Variants in DYNC1I1 observed in about 807,000 individuals in gnomAD.
DYNC1I1 encodes dynein cytoplasmic 1 intermediate chain 1, also known as cytoplasmic dynein 1 intermediate chain 1.
In DYNC1I1, 43 loss-of-function variants were observed where a neutral mutation model predicts 86.6. That is an observed-to-expected ratio of 0.50 (90% CI 0.39 to 0.64). The LOEUF (loss-of-function observed/expected upper bound fraction) is 0.64. DYNC1I1 is among the 30% of genes least tolerant of loss of function. The pLI, the probability that DYNC1I1 is intolerant of heterozygous loss-of-function variation, is 0.00. For missense variants in DYNC1I1, 604 were observed against 788.8 expected, an observed-to-expected ratio of 0.77 and a Z score of 2.81; for synonymous variants, 262 against 283.7, an observed-to-expected ratio of 0.92 and a Z score of 0.77.
intron 14 of DYNC1I1, among the ~76,000 whole-genome samples, chr7:96,065,014 C>T (rs980233179): frequency 6.6e-6 from 1 of 151,844 alleles, no homozygotes; most frequent in African/African-American, 2.4e-5. Flanking sequence ...TAGATGGGTT[C>T]GATTAAAATA....
intron 13 of DYNC1I1, among the ~76,000 whole-genome samples, chr7:96,038,172 A>G (rs1446483835): frequency 6.6e-6 from 1 of 152,094 alleles, no homozygotes; most frequent in African/African-American, 2.4e-5. Flanking sequence ...GCACTGCCAC[A>G]CTTTGCTCAT....
chr7:95,926,760 C>G (rs1028094191), intron 6 of DYNC1I1, among the ~76,000 whole-genome samples: 1 of 152,148 alleles, frequency 6.6e-6, no homozygotes, highest in African/African-American at 2.4e-5. Flanking sequence ...CCTCCTCTAC[C>G]TGTCTATTAA....
chr7:96,029,587 T>C (rs1047373346), intron 11 of DYNC1I1, among the ~76,000 whole-genome samples: 3 of 152,178 alleles, frequency 2.0e-5, no homozygotes. Context: ...ACTAAAATAC[T>C]ATTATTATCA....
At chr7:96,109,320 G>A (rs1478602569) in intron 16 of DYNC1I1, among the ~76,000 whole-genome samples, 7 of 150,966 alleles carry the variant, frequency 4.6e-5, no homozygotes, top group South Asian at 4.2e-4. Flanking sequence ...CCATTAACTC[G>A]TCTTTTAGCA....
intron 10 of DYNC1I1, among the ~76,000 whole-genome samples, chr7:96,016,082 C>T (rs561553640): frequency 6.6e-6 from 1 of 152,186 alleles, no homozygotes; most frequent in South Asian, 2.1e-4. Context: ...GGCCTCATTG[C>T]TTTGTTGGGC....
intron 6 of DYNC1I1, among the ~76,000 whole-genome samples, chr7:95,944,557 A>C (rs887318233): frequency 1.4e-4 from 21 of 152,194 alleles, no homozygotes; most frequent in African/African-American, 4.8e-4. Context: ...TCATGCTGCT[A>C]TAAAGACACA....
rs1463192047 is a variant in DYNC1I1, at chr7:96,032,756, C to G, written c.1206C>G (p.Ser402Arg). Residue 402 changes from serine (S) to arginine (R), a missense_variant, in exon 12 of 17, where the codon AGC (serine) becomes AGG (arginine). Transcript: ENST00000447467. ...VSTDGKMCSWSLDMLSTPQES... is the reference protein window; with the variant it reads ...VSTDGKMCSWRLDMLSTPQES... The stretch of plus-strand genomic sequence containing the variant: ...CTGATGGCAAAATGTGTTCCTGGAG[C>G]CTGGACATGCTCTCAACTCCACAGG... 1.2e-6 allele frequency: 2 copies of G among 1,613,524 alleles called. No individual in the cohort carries two copies. Among genetic ancestry groups the G allele is most frequent in the South Asian group, 1.1e-5 (1 of 91,036 alleles).
chr7:96,065,219 T>C (rs1253314980), intron 14 of DYNC1I1, among the ~76,000 whole-genome samples: 1 of 152,070 alleles, frequency 6.6e-6, no homozygotes, highest in African/African-American at 2.4e-5. Flanking sequence ...CCACCCCTCA[T>C]TCCTGCAGCT....
At chr7:95,863,685 T>C (rs1789947597) in intron 5 of DYNC1I1, among the ~76,000 whole-genome samples, 1 of 152,200 alleles carries the variant, frequency 6.6e-6, no homozygotes, top group Non-Finnish European at 1.5e-5. Flanking sequence ...CTTTGAAATC[T>C]AGTGGGTTTT....
chr7:95,996,146 G>C (rs1417897950), intron 10 of DYNC1I1, 73 bp downstream of exon 10: 3 of 1,586,678 alleles, frequency 1.9e-6, no homozygotes, highest in African/African-American at 2.7e-5. Flanking sequence ...CATTGCATCT[G>C]TCTTATGCTG....
At position 96,064,153 on chromosome 7, in the gene DYNC1I1, T is replaced by G. The variant is rs557599276; in HGVS notation, c.1510-11904T>G. Among the ~76,000 whole-genome samples the G allele has an allele frequency of 2.0e-5, 3 of 151,994 alleles. No individual in the cohort carries two copies. In the South Asian group the frequency reaches 6.2e-4, roughly 32 times the overall value. ...TAGAGTCAGTGCTTGTTTCTAAGCATCATTGTTCTTCTCCAGACCAAACAT... is the reference window on the plus strand; with the variant it reads ...TAGAGTCAGTGCTTGTTTCTAAGCAGCATTGTTCTTCTCCAGACCAAACAT... On this transcript the variant is annotated intron_variant, in intron 14 of 16. Transcript: ENST00000447467.
intron 6 of DYNC1I1, among the ~76,000 whole-genome samples, chr7:95,924,346 G>A (rs1025867193): frequency 7.9e-5 from 12 of 152,126 alleles, no homozygotes; most frequent in Non-Finnish European, 1.5e-4. Context: ...GTGATGTACT[G>A]TAAGTACTAA....
chr7:95,835,398 G>A (rs1165370661), intron 5 of DYNC1I1, among the ~76,000 whole-genome samples: 8 of 147,612 alleles, frequency 5.4e-5, no homozygotes, highest in Non-Finnish European at 1.2e-4. Flanking sequence ...CCAAGTATGT[G>A]GTCAATTTTG....
chr7:96,051,267 TGTATTTGCCAGGTCA>T (rs1789397461), intron 14 of DYNC1I1, among the ~76,000 whole-genome samples: 1 of 152,218 alleles, frequency 6.6e-6, no homozygotes, highest in South Asian at 2.1e-4. Context: ...ATACTGTTCA[TGTATTTGCCAGGTCA>T]GTCCCTTTCT....
chr7:95,962,496 C>G (rs1792896485), intron 6 of DYNC1I1, among the ~76,000 whole-genome samples: 1 of 152,072 alleles, frequency 6.6e-6, no homozygotes, highest in Admixed American at 6.6e-5. Context: ...TTCTTCCTAC[C>G]TTGCACATTT....
At chr7:95,907,011 A>G (rs1350675049) in intron 6 of DYNC1I1, among the ~76,000 whole-genome samples, 1 of 152,208 alleles carries the variant, frequency 6.6e-6, no homozygotes, top group Non-Finnish European at 1.5e-5. Context: ...ATAGTCATTT[A>G]AAATACAGTT....
At chr7:95,832,577 T>A (rs1355013689) in intron 5 of DYNC1I1, among the ~76,000 whole-genome samples, 3 of 152,068 alleles carry the variant, frequency 2.0e-5, no homozygotes, top group Non-Finnish European at 4.4e-5. Flanking sequence ...TAGTTTACAG[T>A]CCCACCAACA....
intron 6 of DYNC1I1, among the ~76,000 whole-genome samples, chr7:95,925,036 G>A (rs1306649572): frequency 6.6e-6 from 1 of 152,082 alleles, no homozygotes; most frequent in Non-Finnish European, 1.5e-5. Context: ...GTGACTTAAG[G>A]TTTCTGTTGG....
chr7:96,054,311 G>A (rs1789505392), intron 14 of DYNC1I1, among the ~76,000 whole-genome samples: 1 of 152,142 alleles, frequency 6.6e-6, no homozygotes, highest in Non-Finnish European at 1.5e-5. Context: ...GCAAAGGGCA[G>A]GAACTCATCC....
Sources: gnomAD v4.1 joint callset for allele counts (sites outside exome capture counted in the v4.1 genomes callset) on GRCh38, gnomAD v4.1.1 for gene constraint, MANE v1.5 for transcripts, NCBI Gene and HGNC (gene_info 2026-07-23, HGNC 2026-07-21) for gene names.